PRR23E: variants seen among roughly 807,000 people sequenced by gnomAD.
The protein encoded by PRR23E is PRR23 family member E, also known as proline-rich protein 23E.
chr3:127,195,581 G>A, the PRR23E span, among the ~76,000 whole-genome samples: 1 of 152,176 alleles, frequency 6.6e-6, no homozygotes, highest in Non-Finnish European at 1.5e-5. Context: ...GAGGCACCTG[G>A]CTGGTTTCTT....
At chr3:127,196,155 C>G in the PRR23E span, among the ~76,000 whole-genome samples, 1 of 152,160 alleles carries the variant, frequency 6.6e-6, no homozygotes, top group Non-Finnish European at 1.5e-5. Context: ...GGATGAAGTG[C>G]TCCGGGACCT....
the PRR23E span, chr3:127,197,311 C>T: frequency 1.3e-6 from 2 of 1,598,564 alleles, no homozygotes; most frequent in Non-Finnish European, 1.7e-6. Flanking sequence ...GAGCTCCGCC[C>T]TCTGCCCCCT....
chr3:127,196,633 A>T, the PRR23E span: 2 of 1,510,810 alleles, frequency 1.3e-6, no homozygotes, highest in Non-Finnish European at 1.8e-6. Flanking sequence ...CAGCTTGCAG[A>T]GGAGTGCACT....
the PRR23E span, chr3:127,197,089 C>T: frequency 3.0e-5 from 48 of 1,598,050 alleles, no homozygotes; most frequent in Non-Finnish European, 3.6e-5. Flanking sequence ...ATGAAATTCC[C>T]ACCCACCTAC....
At chr3:127,193,294 C>G in the PRR23E span, 1 of 152,244 alleles carries the variant, frequency 6.6e-6, no homozygotes, top group South Asian at 2.1e-4. Flanking sequence ...CGAGAAAGAA[C>G]AAAGTTAGCC....
chr3:127,197,089 C>G, the PRR23E span: 1 of 1,598,168 alleles, frequency 6.3e-7, no homozygotes, highest in Non-Finnish European at 8.5e-7. Flanking sequence ...ATGAAATTCC[C>G]ACCCACCTAC....
chr3:127,194,417 A>G, the PRR23E span, among the ~76,000 whole-genome samples: 1 of 152,228 alleles, frequency 6.6e-6, no homozygotes, highest in African/African-American at 2.4e-5. Flanking sequence ...CCTGTGCCAC[A>G]GGTTGGACTA....
At chr3:127,193,629 C>T in the PRR23E span, among the ~76,000 whole-genome samples, 1 of 152,180 alleles carries the variant, frequency 6.6e-6, no homozygotes, top group African/African-American at 2.4e-5. Context: ...GTTCTCTGTT[C>T]TGCCCAGCTC....
chr3:127,196,761 G>A, the PRR23E span: 58 of 1,596,056 alleles, frequency 3.6e-5, no homozygotes, highest in Admixed American at 6.7e-5. Flanking sequence ...GGAAGCCCAC[G>A]GGACTCTGGC....
At chr3:127,197,652 TG>T in the PRR23E span, 14 of 387,376 alleles carry the variant, frequency 3.6e-5, no homozygotes, top group Non-Finnish European at 4.5e-6. Context: ...CAGACTGTCC[TG>T]GGCCCGCCCT....
chr3:127,195,438 A>G, the PRR23E span, among the ~76,000 whole-genome samples: 1 of 151,864 alleles, frequency 6.6e-6, no homozygotes, highest in Admixed American at 6.6e-5. Flanking sequence ...TCGTGATCTG[A>G]CTTCTTGTCT....
At chr3:127,197,377 C>A in the PRR23E span, 1 of 1,571,344 alleles carries the variant, frequency 6.4e-7, no homozygotes, top group South Asian at 1.2e-5. Context: ...TCCTCCCGGT[C>A]ACCCTGCAGG....
chr3:127,197,019 G>T, the PRR23E span: 1 of 1,597,250 alleles, frequency 6.3e-7, no homozygotes, highest in South Asian at 1.1e-5. Flanking sequence ...CTCCAGCTTT[G>T]ACCCCCTCAT....
At chr3:127,196,994 G>C in the PRR23E span, 2 of 1,598,854 alleles carry the variant, frequency 1.3e-6, no homozygotes, top group Non-Finnish European at 1.7e-6. Context: ...CAGTGTGGCT[G>C]TATTGGAGGG....
chr3:127,198,182 T>C, the PRR23E span: 1 of 152,238 alleles, frequency 6.6e-6, no homozygotes, highest in Admixed American at 6.5e-5. Context: ...TACTATGCTA[T>C]AAATCATGTT....
the PRR23E span, chr3:127,197,320 C>T: frequency 6.3e-7 from 1 of 1,598,216 alleles, no homozygotes; most frequent in Non-Finnish European, 8.5e-7. Flanking sequence ...CCTCTGCCCC[C>T]TTCCCCCATT....
At chr3:127,195,691 G>A in the PRR23E span, among the ~76,000 whole-genome samples, 1 of 151,988 alleles carries the variant, frequency 6.6e-6, no homozygotes, top group South Asian at 2.1e-4. Flanking sequence ...CCTGACCCCA[G>A]CCCTCAGGAC....
chr3:127,196,586 C>T, the PRR23E span: 78 of 1,447,556 alleles, frequency 5.4e-5, no homozygotes, highest in Admixed American at 7.7e-5. Flanking sequence ...CTGCTCACCC[C>T]ACAGATACCA....
At chr3:127,197,413 A>T in the PRR23E span, 1 of 1,542,970 alleles carries the variant, frequency 6.5e-7, no homozygotes, top group South Asian at 1.2e-5. Flanking sequence ...TTTGAGTGCT[A>T]ATCAGCCCTC....
Sources: allele counts gnomAD v4.1 joint callset (sites outside exome capture counted in the v4.1 genomes callset), GRCh38; gene constraint gnomAD v4.1.1; transcripts MANE v1.5; gene names NCBI Gene and HGNC (gene_info 2026-07-23, HGNC 2026-07-21).